Variants in CLEC12A observed in about 807,000 individuals in gnomAD.
CLEC12A encodes C-type lectin domain family 12 member A, also known as C-type lectin protein CLL-1.
CLEC12A carries 22 observed loss-of-function variants against 26.5 expected under a neutral mutation model. The observed-to-expected ratio is 0.83, with a 90% CI of 0.59 to 1.19. The LOEUF is 1.19. Ranked by LOEUF, CLEC12A falls within the 50% of genes most tolerant of loss-of-function variation. The probability of loss-of-function intolerance (pLI) is 0.00; values close to 1 mark genes in which losing one functional copy is unlikely to be tolerated. For missense variants in CLEC12A, 353 were observed against 315.6 expected, an observed-to-expected ratio of 1.12 and a Z score of -0.90; for synonymous variants, 119 against 101.9, an observed-to-expected ratio of 1.17 and a Z score of -1.01.
At chr12:9,962,448 C>T (rs924051778) in intron 1 of CLEC12A, among the ~76,000 whole-genome samples, 2 of 151,998 alleles carry the variant, frequency 1.3e-5, no homozygotes, top group African/African-American at 2.4e-5. Context: ...CACTCACATC[C>T]GTGTGAAGAG....
chr12:9,994,600 TAGA>T (rs1864985693), intron 4 of CLEC12A, among the ~76,000 whole-genome samples: 1 of 152,046 alleles, frequency 6.6e-6, no homozygotes, highest in African/African-American at 2.4e-5. Context: ...GGATTGTTTG[TAGA>T]AGGACAAAGC....
At chr12:9,955,140 G>T (rs976588902) in intron 1 of CLEC12A, among the ~76,000 whole-genome samples, 1 of 152,160 alleles carries the variant, frequency 6.6e-6, no homozygotes, top group African/African-American at 2.4e-5. Flanking sequence ...AGGCTGGAGT[G>T]CAGTGGCCCG....
upstream of CLEC12A, among the ~76,000 whole-genome samples, chr12:9,967,885 G>T (rs2137124575): frequency 6.6e-6 from 1 of 152,280 alleles, no homozygotes; most frequent in African/African-American, 2.4e-5. Context: ...TGAAACATGG[G>T]TGAATAATCA....
intron 1 of CLEC12A, among the ~76,000 whole-genome samples, chr12:9,972,452 T>C (rs1864166997): frequency 1.3e-5 from 2 of 152,194 alleles, no homozygotes; most frequent in South Asian, 4.1e-4. Flanking sequence ...TCTTGCCTTC[T>C]GGCTCCTAGC....
intron 1 of CLEC12A, among the ~76,000 whole-genome samples, chr12:9,962,913 T>C (rs533138553): frequency 1.4e-4 from 22 of 152,088 alleles, no homozygotes; most frequent in African/African-American, 4.8e-4. Flanking sequence ...GGCAAAAATT[T>C]TGGGGGCTTG....
intron 5 of CLEC12A, chr12:9,983,461 A>T (rs1261709405): frequency 2.9e-6 from 2 of 686,630 alleles, no homozygotes; most frequent in Non-Finnish European, 5.3e-6. Flanking sequence ...ATGGGAAAAA[A>T]AGTCTTTACA....
chr12:9,952,314 T>C (rs1262729346), intron 1 of CLEC12A, among the ~76,000 whole-genome samples: 1 of 150,264 alleles, frequency 6.7e-6, no homozygotes, highest in African/African-American at 2.4e-5. Flanking sequence ...GCCTGCCGAG[T>C]GCCTGCGATT....
intron 1 of CLEC12A, among the ~76,000 whole-genome samples, chr12:9,977,003 C>T (rs1864364862): frequency 1.3e-5 from 2 of 152,098 alleles, no homozygotes; most frequent in Admixed American, 6.6e-5. Flanking sequence ...AACTGTGAAT[C>T]CATTAAACCT....
chr12:9,987,490 G>T (rs1864793818), downstream of CLEC12A, among the ~76,000 whole-genome samples: 1 of 152,158 alleles, frequency 6.6e-6, no homozygotes, highest in Admixed American at 6.5e-5. Flanking sequence ...GTCCTGACTA[G>T]CGCTCTAGCT....
the CLEC12A span, among the ~76,000 whole-genome samples, chr12:10,000,984 T>C: frequency 1.1e-3 from 169 of 152,324 alleles, no homozygotes; most frequent in African/African-American, 3.9e-3. Flanking sequence ...GAGGTTATAG[T>C]ACAAATGACA....
intron 1 of CLEC12A, chr12:9,953,293 C>T (rs1428936207): frequency 2.6e-4 from 2 of 7,806 alleles, no homozygotes; most frequent in Admixed American, 1.2e-3. Flanking sequence ...CCAGCCACCC[C>T]GTCTGGGACG....
Position 9,971,602 on chromosome 12 carries a change from T to A in CLEC12A, c.6T>A (p.Ser2=). ...ATTTCTTTACATATTCATCAATGTC[T>A]GAAGAAGTTACTTATGCAGATCTTC... is the stretch of plus-strand genomic sequence containing the variant. M[S]EEVTYADLQF... The change falls in exon 1 of 6, where the codon TCT becomes TCA. Residue 2 remains serine (S), a synonymous_variant. Coordinates refer to ENST00000304361, the MANE Select transcript of CLEC12A (RefSeq NM_138337.6). 3.1e-6 allele frequency: 5 copies of A among 1,605,684 alleles called. No homozygotes were observed. Among genetic ancestry groups the A allele is most frequent in the Non-Finnish European group, 4.3e-6 (5 of 1,176,364 alleles).
downstream of CLEC12A, chr12:9,986,186 A>G (rs1347880764): frequency 2.2e-6 from 1 of 453,814 alleles, no homozygotes; most frequent in East Asian, 7.0e-5. Flanking sequence ...AGAGATAAAT[A>G]ACATTTACAG....
chr12:9,981,102 G>A (rs1488241048), intron 4 of CLEC12A, among the ~76,000 whole-genome samples: 2 of 152,132 alleles, frequency 1.3e-5, no homozygotes, highest in Non-Finnish European at 2.9e-5. Context: ...AACTACATGG[G>A]AGAATATGTT....
chr12:9,983,700 C>T (rs57402576), intron 5 of CLEC12A: 11,365 of 498,616 alleles, frequency 0.023, 150 homozygotes, highest in Non-Finnish European at 0.027. Context: ...ATACTCATCA[C>T]ATTGGGCCAT....
intron 1 of CLEC12A, among the ~76,000 whole-genome samples, chr12:9,973,146 G>A (rs1591824175): frequency 6.6e-6 from 1 of 152,058 alleles, no homozygotes; most frequent in Non-Finnish European, 1.5e-5. Context: ...CCTCTTCAAT[G>A]TGTGTTAATT....
downstream of CLEC12A, chr12:9,999,391 A>T: frequency 3.9e-6 from 1 of 253,298 alleles, no homozygotes; most frequent in Non-Finnish European, 7.4e-6. Flanking sequence ...CTTCAACACT[A>T]AATAAAGGGA....
At chr12:9,957,262 C>T (rs1863756263) in intron 1 of CLEC12A, among the ~76,000 whole-genome samples, 1 of 151,880 alleles carries the variant, frequency 6.6e-6, no homozygotes, top group Non-Finnish European at 1.5e-5. Flanking sequence ...CCAAGGTGGG[C>T]AGATCACCTG....
At chr12:9,997,042 T>C (rs1865068397), downstream of CLEC12A, 2 of 1,611,162 alleles carry the variant, frequency 1.2e-6, no homozygotes, top group Non-Finnish European at 1.7e-6. Context: ...TTTTCTAAAT[T>C]GGGCTTACAT....
Sources: allele counts gnomAD v4.1 joint callset (sites outside exome capture counted in the v4.1 genomes callset), GRCh38; gene constraint gnomAD v4.1.1; transcripts MANE v1.5; gene names NCBI Gene and HGNC (gene_info 2026-07-23, HGNC 2026-07-21).